The following CCDC3 variants were observed in gnomAD, a reference collection of about 807,000 sequenced individuals.
The protein encoded by CCDC3 is coiled-coil domain-containing protein 3.
CCDC3 carries 24 observed loss-of-function variants against 21.4 expected under a neutral mutation model. That is an observed-to-expected ratio of 1.12 (90% CI 0.81 to 1.58). The LOEUF (loss-of-function observed/expected upper bound fraction) is 1.58. Ranked by LOEUF, CCDC3 falls within the 40% of genes most tolerant of loss-of-function variation. CCDC3 has a pLI of 0.00. For synonymous variants in CCDC3, 186 were observed against 166.0 expected, an observed-to-expected ratio of 1.12 and a Z score of -0.93; for missense variants, 425 against 360.9, an observed-to-expected ratio of 1.18 and a Z score of -1.44.
chr10:12,904,173 A>T (rs1470120997), intron 2 of CCDC3, among the ~76,000 whole-genome samples: 2 of 152,118 alleles, frequency 1.3e-5, no homozygotes, highest in Non-Finnish European at 2.9e-5. Context: ...ACTAGGCAAG[A>T]CTGGCTCACT....
intron 2 of CCDC3, among the ~76,000 whole-genome samples, chr10:12,952,497 T>C (rs1172644948): frequency 1.3e-5 from 2 of 152,180 alleles, no homozygotes; most frequent in East Asian, 1.9e-4. Flanking sequence ...AATGTTTTGA[T>C]GGCATTCCAT....
intron 2 of CCDC3, among the ~76,000 whole-genome samples, chr10:12,900,732 T>A (rs1834080822): frequency 6.7e-6 from 1 of 148,392 alleles, no homozygotes; most frequent in Admixed American, 6.7e-5. Flanking sequence ...AGCCCCACTA[T>A]CTACACTGCA....
At chr10:13,041,777 C>T (rs2580902) in intron 5 of CCDC3, among the ~76,000 whole-genome samples, 32,642 of 151,278 alleles carry the variant, frequency 0.22, 3,877 homozygotes, top group Middle Eastern at 0.32. Flanking sequence ...TGTGAACCAC[C>T]ATGCCCAGCC....
At chr10:13,095,754 C>T (rs1246905746) in intron 3 of CCDC3, among the ~76,000 whole-genome samples, 1 of 152,148 alleles carries the variant, frequency 6.6e-6, no homozygotes, top group African/African-American at 2.4e-5. Flanking sequence ...GGTGTTTGTA[C>T]AGCTCTATTG....
intron 2 of CCDC3, among the ~76,000 whole-genome samples, chr10:12,942,288 G>A (rs1834844391): frequency 6.6e-6 from 1 of 152,210 alleles, no homozygotes. Context: ...CAGCTATTCT[G>A]TAAAGTAGTA....
intron 4 of CCDC3, among the ~76,000 whole-genome samples, chr10:13,062,843 A>G (rs1485234225): frequency 2.0e-5 from 3 of 152,122 alleles, no homozygotes; most frequent in Non-Finnish European, 4.4e-5. Context: ...AGTGCATGAG[A>G]TATTTTGCAT....
chr10:13,007,965 T>C (rs544336533), intron 5 of CCDC3, among the ~76,000 whole-genome samples: 3 of 152,238 alleles, frequency 2.0e-5, no homozygotes, highest in Admixed American at 1.3e-4. Context: ...GGCTTCCTAC[T>C]GCAGGTGTGA....
At chr10:13,018,392 T>A (rs1836097059) in intron 5 of CCDC3, among the ~76,000 whole-genome samples, 1 of 152,100 alleles carries the variant, frequency 6.6e-6, no homozygotes, top group Admixed American at 6.5e-5. Context: ...CATACTTGTC[T>A]GATATCTCAT....
intron 2 of CCDC3, among the ~76,000 whole-genome samples, chr10:12,925,385 T>C (rs17508320): frequency 0.052 from 7,185 of 137,812 alleles, 217 homozygotes; most frequent in Non-Finnish European, 0.076. Context: ...TAAAGTCCTT[T>C]GTGGGCCATT....
intron 4 of CCDC3, among the ~76,000 whole-genome samples, chr10:13,061,289 G>T (rs1226073825): frequency 6.6e-6 from 1 of 152,136 alleles, no homozygotes; most frequent in African/African-American, 2.4e-5. Flanking sequence ...ACTGCAGTGG[G>T]CTTCCGGTGA....
At chr10:12,979,374 G>T (rs1835463206) in intron 2 of CCDC3, among the ~76,000 whole-genome samples, 1 of 151,196 alleles carries the variant, frequency 6.6e-6, no homozygotes, top group East Asian at 2.0e-4. Context: ...TTCAAATACA[G>T]AAGCTCCCCA....
At chr10:13,020,298 C>T (rs888110654) in intron 5 of CCDC3, among the ~76,000 whole-genome samples, 1 of 152,164 alleles carries the variant, frequency 6.6e-6, no homozygotes, top group African/African-American at 2.4e-5. Flanking sequence ...AACTCATTCC[C>T]ATGAATTCTA....
chr10:12,952,050 G>C (rs1266842197), intron 2 of CCDC3, among the ~76,000 whole-genome samples: 1 of 152,146 alleles, frequency 6.6e-6, no homozygotes, highest in Non-Finnish European at 1.5e-5. Flanking sequence ...AGGAAATAAA[G>C]GTACAGAATA....
At chr10:12,996,998 G>A (rs751600258) in intron 2 of CCDC3, among the ~76,000 whole-genome samples, 5 of 152,008 alleles carry the variant, frequency 3.3e-5, no homozygotes, top group Non-Finnish European at 7.4e-5. Flanking sequence ...GGTGCGAAAC[G>A]ATTGGTATAC....
intron 2 of CCDC3, among the ~76,000 whole-genome samples, chr10:12,989,052 C>T (rs1380304342): frequency 6.6e-6 from 1 of 152,178 alleles, no homozygotes; most frequent in Non-Finnish European, 1.5e-5. Flanking sequence ...AGATCGAGCC[C>T]CCTCAATCCA....
chr10:12,898,451 G>T lies in CCDC3; in HGVS notation c.778C>A (p.Arg260=). ...AAGALPHINA[R]GPVRPPYLRG is the part of the protein sequence containing the mutation. ...AGGTAGGGGGGGCGCACGGGCCCCCGGGCATTGATGTGCGGCAGCGCGCCC... is the reference window on the plus strand; with the variant it reads ...AGGTAGGGGGGGCGCACGGGCCCCCTGGCATTGATGTGCGGCAGCGCGCCC... The change falls in exon 3 of 3, where the codon CGG becomes AGG. Residue 260 remains arginine (R), a synonymous_variant. Coordinates refer to ENST00000378825, the MANE Select transcript of CCDC3 (RefSeq NM_031455.4). 1 of 1,609,484 alleles carries T rather than the reference G, an allele frequency of 6.2e-7. No homozygotes were observed. Among genetic ancestry groups the T allele is most frequent in the South Asian group, 1.1e-5 (1 of 90,906 alleles).
chr10:13,049,131 G>A (rs944533732), intron 5 of CCDC3, among the ~76,000 whole-genome samples: 1 of 152,136 alleles, frequency 6.6e-6, no homozygotes. Context: ...ACGAGCCCCA[G>A]CTATCCCTTC....
intron 2 of CCDC3, among the ~76,000 whole-genome samples, chr10:12,982,415 C>T (rs554082476): frequency 1.3e-5 from 2 of 151,910 alleles, no homozygotes; most frequent in South Asian, 2.1e-4. Flanking sequence ...TCTAGAAATC[C>T]GCTATACGAC....
chr10:12,937,778 A>G (rs1282030517), intron 2 of CCDC3, among the ~76,000 whole-genome samples: 1 of 152,162 alleles, frequency 6.6e-6, no homozygotes, highest in African/African-American at 2.4e-5. Context: ...AAACATGTTC[A>G]TTGTCCTGGC....
Sources: allele counts gnomAD v4.1 joint callset (sites outside exome capture counted in the v4.1 genomes callset), GRCh38; gene constraint gnomAD v4.1.1; transcripts MANE v1.5; gene names NCBI Gene and HGNC (gene_info 2026-07-23, HGNC 2026-07-21).